The following ZBTB41 variants were observed in gnomAD, a reference collection of about 807,000 sequenced individuals.
ZBTB41 encodes zinc finger and BTB domain-containing protein 41.
ZBTB41 carries 42 observed loss-of-function variants against 87.6 expected under a neutral mutation model. The observed-to-expected ratio is 0.48, with a 90% CI of 0.37 to 0.62. ZBTB41 has a LOEUF of 0.62. ZBTB41 is among the 20% of genes least tolerant of loss of function. The pLI is 0.00. For synonymous variants in ZBTB41, 364 were observed against 364.0 expected, an observed-to-expected ratio of 1.00 and a Z score of 0.00; for missense variants, 799 against 1,078.9, an observed-to-expected ratio of 0.74 and a Z score of 3.63.
chr1:197,156,214 T>A lies in ZBTB41; in HGVS notation c.*3145A>T, dbSNP rs1416521651. 5.2e-5 allele frequency: 7 copies of A among 135,074 alleles called. No homozygotes were observed. Among genetic ancestry groups the A allele is most frequent in the African/African-American group, 1.7e-4 (7 of 40,770 alleles). 8.4% of individuals were successfully genotyped at this position (135,074 alleles called of 1,614,324 possible). On this transcript the variant is annotated 3_prime_UTR_variant, in exon 11 of 11. Coordinates refer to ENST00000367405, the MANE Select transcript of ZBTB41 (RefSeq NM_194314.3). ...TATTCAAACTAACAACTTTTTTTTT[T>A]TAAAAAAATCCATTATTCTAGGACT...
intron 10 of ZBTB41, among the ~76,000 whole-genome samples, 199 bp from the exon 11 acceptor site, chr1:197,160,213 G>T (rs1404462663): frequency 6.6e-6 from 1 of 152,068 alleles, no homozygotes; most frequent in Non-Finnish European, 1.5e-5. Flanking sequence ...ATCTGGGTTT[G>T]AATTCTGACT....
intron 5 of ZBTB41, among the ~76,000 whole-genome samples, chr1:197,185,103 C>T (rs774657544): frequency 3.3e-5 from 5 of 152,248 alleles, no homozygotes; most frequent in Middle Eastern, 3.4e-3. Context: ...CGTGAGTCAC[C>T]GCACACAGCC....
Position 197,155,670 on chromosome 1 carries a change from A to G in ZBTB41, c.*3689T>C, listed in dbSNP as rs181883844. ...TATTAACCCTTAATTAGCAGTTTAGAGTCACCCTACAAAGATGCTTTGACA... is the reference window on the plus strand; with the variant it reads ...TATTAACCCTTAATTAGCAGTTTAGGGTCACCCTACAAAGATGCTTTGACA... On this transcript the variant is annotated 3_prime_UTR_variant, in exon 11 of 11. Coordinates refer to ENST00000367405, the MANE Select transcript of ZBTB41 (RefSeq NM_194314.3). 1 of 152,516 alleles carries G rather than the reference A, an allele frequency of 6.6e-6. No homozygotes were observed. Among genetic ancestry groups the G allele is most frequent in the Admixed American group, 6.5e-5 (1 of 15,284 alleles). The allele number at this position is 152,516 out of a possible 1,614,324, so 9.4% of individuals were successfully genotyped here.
chr1:197,164,138 A>T (rs1659262216), intron 10 of ZBTB41, among the ~76,000 whole-genome samples: 1 of 152,142 alleles, frequency 6.6e-6, no homozygotes, highest in African/African-American at 2.4e-5. Context: ...TAAGGGTGTT[A>T]TAAGGTATTT....
chr1:197,200,611 C>G lies in ZBTB41; in HGVS notation c.-117-21G>C, dbSNP rs116611321. On this transcript the variant is annotated intron_variant, in intron 1 of 10. Coordinates refer to ENST00000367405, the MANE Select transcript of ZBTB41 (RefSeq NM_194314.3). Reference sequence around the variant, plus strand: ...ATGGTCTGCAAAAGAGTGAGAACCACGTAAAATAACTCCATGGCAAAGCAA... The same window carrying G: ...ATGGTCTGCAAAAGAGTGAGAACCAGGTAAAATAACTCCATGGCAAAGCAA... The G allele has an allele frequency of 2.3e-3, 1,575 of 687,818 alleles. 13 individuals are homozygous for G. The highest frequency in any genetic ancestry group is 0.023 in the African/African-American group (1,276 of 55,866). 42.6% of individuals were successfully genotyped at this position (687,818 alleles called of 1,614,324 possible). A position where few individuals can be genotyped will look rare whatever the true frequency, so the allele number is the denominator to read the frequency against.
chr1:197,169,063 A>T (rs6700344), intron 10 of ZBTB41, among the ~76,000 whole-genome samples: 2,116 of 151,438 alleles, frequency 0.014, 50 homozygotes, highest in African/African-American at 0.047. Flanking sequence ...AAATGGATTT[A>T]AAAAAAAAGT....
chr1:197,178,825 T>A (rs1462060608), intron 6 of ZBTB41, among the ~76,000 whole-genome samples: 1 of 152,194 alleles, frequency 6.6e-6, no homozygotes, highest in Non-Finnish European at 1.5e-5. Context: ...ATTAAGTTGA[T>A]GTGAATTTTG....
In ZBTB41 at chr1:197,155,468, GAA is replaced by G. The variant is rs1229344846; in HGVS notation, c.*3889_*3890del. On this transcript the variant is annotated 3_prime_UTR_variant, in exon 11 of 11. Coordinates refer to ENST00000367405, the MANE Select transcript of ZBTB41 (RefSeq NM_194314.3). ...GAAAAGGCACAAAGCATTCAATGCA[GAA>G]AAGACTGGGTATAAAAGGACACTGT... 1 of 152,254 alleles carries G rather than the reference GAA, an allele frequency of 6.6e-6. No homozygotes were observed. Among genetic ancestry groups the G allele is most frequent in the African/African-American group, 2.4e-5 (1 of 41,412 alleles). 9.4% of individuals were successfully genotyped at this position (152,254 alleles called of 1,614,324 possible).
chr1:197,198,416 A>T (rs1205497685), intron 2 of ZBTB41, among the ~76,000 whole-genome samples: 1 of 152,186 alleles, frequency 6.6e-6, no homozygotes, highest in Non-Finnish European at 1.5e-5. Flanking sequence ...TAACATAAGT[A>T]AGTTAACACT....
intron 2 of ZBTB41, among the ~76,000 whole-genome samples, chr1:197,192,714 AG>A (rs1330836113): frequency 6.6e-6 from 1 of 152,170 alleles, no homozygotes; most frequent in Non-Finnish European, 1.5e-5. Flanking sequence ...ATTTTTCTTC[AG>A]GTGAAAACTA....
intron 10 of ZBTB41, among the ~76,000 whole-genome samples, chr1:197,165,542 G>A (rs1394884739): frequency 1.3e-5 from 2 of 151,572 alleles, no homozygotes; most frequent in African/African-American, 4.9e-5. Flanking sequence ...CCCGGGAGGC[G>A]GAGCTTGCAG....
At chr1:197,168,993 T>A (rs1448471412) in intron 10 of ZBTB41, among the ~76,000 whole-genome samples, 1 of 151,932 alleles carries the variant, frequency 6.6e-6, no homozygotes, top group African/African-American at 2.4e-5. Context: ...GTATTCAACA[T>A]CAATACTCAT....
chr1:197,170,137 G>A (rs1003974096), intron 10 of ZBTB41, among the ~76,000 whole-genome samples: 4 of 151,832 alleles, frequency 2.6e-5, no homozygotes, highest in African/African-American at 7.3e-5. Context: ...TGTTTCTCCA[G>A]ATGAGGATAT....
chr1:197,189,904 C>A (rs1341532216), intron 4 of ZBTB41, among the ~76,000 whole-genome samples: 5 of 152,068 alleles, frequency 3.3e-5, no homozygotes, highest in African/African-American at 1.2e-4. Context: ...CACCAAGTGA[C>A]CTGTCACGTG....
intron 2 of ZBTB41, among the ~76,000 whole-genome samples, chr1:197,198,229 T>C (rs976534223): frequency 6.6e-6 from 1 of 152,102 alleles, no homozygotes; most frequent in Admixed American, 6.5e-5. Context: ...TCAGTTAAAA[T>C]ATTAATAATT....
In ZBTB41 at chr1:197,191,767, T is replaced by C. The variant is rs1281948111; in HGVS notation, c.1253A>G (p.His418Arg). The change falls in exon 3 of 11, where the codon CAT becomes CGT. Residue 418 changes from histidine to arginine, a missense_variant. Around this residue, in one of 5 missense-constraint regions of ZBTB41, gnomAD observed 294 missense variants for 340.1 expected, o/e 0.86. Coordinates refer to ENST00000367405, the MANE Select transcript of ZBTB41 (RefSeq NM_194314.3). ...RKKHSNETEF[H>R]KKEHKCPYCN... Reference sequence around the variant, plus strand: ...ATAAGGGCACTTGTGCTCCTTCTTATGAAATTCTGTTTCATTACTGTGCTT... The same window carrying C: ...ATAAGGGCACTTGTGCTCCTTCTTACGAAATTCTGTTTCATTACTGTGCTT... The C allele has an allele frequency of 1.9e-6, 3 of 1,613,902 alleles. No homozygotes were observed. In the South Asian group the frequency reaches 3.3e-5, roughly 18 times the overall value.
chr1:197,166,250 T>C (rs1659342119), intron 10 of ZBTB41, among the ~76,000 whole-genome samples: 1 of 151,598 alleles, frequency 6.6e-6, no homozygotes. Flanking sequence ...AAAGCAGATA[T>C]GAAAAATAAA....
chr1:197,175,007 T>TA lies in ZBTB41; in HGVS notation c.1985+2dup, dbSNP rs756295808. ...CTATGAGACATTTTGCTTTTTCACT[T>TA]ACTTTTGCCACACTTTCTCTCCAAG... On this transcript the variant is annotated splice_region_variant and intron_variant, in intron 9 of 10. Coordinates refer to ENST00000367405, the MANE Select transcript of ZBTB41 (RefSeq NM_194314.3). 4.4e-6 allele frequency: 7 copies of TA among 1,607,234 alleles called. No individual in the cohort carries two copies. Among genetic ancestry groups the TA allele is most frequent in the Non-Finnish European group, 5.9e-6 (7 of 1,176,714 alleles).
intron 2 of ZBTB41, 55 bp from the exon 3 acceptor site, chr1:197,191,954 G>A: frequency 7.1e-7 from 1 of 1,405,146 alleles, no homozygotes; most frequent in Non-Finnish European, 9.5e-7. Flanking sequence ...TACTGTGATT[G>A]GAATTTGAGA....
Sources: allele counts gnomAD v4.1 joint callset (sites outside exome capture counted in the v4.1 genomes callset), GRCh38; gene constraint gnomAD v4.1.1; regional missense constraint gnomAD v4.1.1; transcripts MANE v1.5; gene names NCBI Gene and HGNC (gene_info 2026-07-23, HGNC 2026-07-21).